The following NOL4 variants were observed in gnomAD, a reference collection of about 807,000 sequenced individuals.
NOL4 encodes the protein cancer/testis antigen 125.
NOL4 carries 17 observed loss-of-function variants against 75.9 expected under a neutral mutation model. The ratio of observed to expected loss-of-function variants is 0.22; its 90% CI spans 0.15 to 0.34. The LOEUF (loss-of-function observed/expected upper bound fraction) is 0.34. Among genes scored for constraint, NOL4 ranks in the 10% least tolerant of loss-of-function variants. The pLI is 1.00. For synonymous variants in NOL4, 292 were observed against 289.9 expected (o/e 1.01, Z -0.07); for missense variants, 614 against 793.5 (o/e 0.77, Z 2.72).
At chr18:34,058,781 A>G (rs1360643536) in intron 5 of NOL4, among the ~76,000 whole-genome samples, 1 of 152,200 alleles carries the variant, frequency 6.6e-6, no homozygotes, top group Non-Finnish European at 1.5e-5. Flanking sequence ...TATTGCAATA[A>G]TGAATGAATT....
At chr18:33,960,416 C>T (rs1460215920) in intron 6 of NOL4, among the ~76,000 whole-genome samples, 1 of 152,006 alleles carries the variant, frequency 6.6e-6, no homozygotes, top group Non-Finnish European at 1.5e-5. Flanking sequence ...AGAATAAACT[C>T]TTAATAAACA....
chr18:34,221,669 T>A (rs2037315295), intron 1 of NOL4: 1 of 178,376 alleles, frequency 5.6e-6, no homozygotes, highest in Non-Finnish European at 1.2e-5. Flanking sequence ...TACTTTTGGT[T>A]CCCAATTTCT....
intron 9 of NOL4, among the ~76,000 whole-genome samples, chr18:33,917,137 AT>A (rs1934177329): frequency 6.6e-6 from 1 of 152,182 alleles, no homozygotes; most frequent in African/African-American, 2.4e-5. Context: ...AGCCTAGATT[AT>A]GCAAATGAAC....
At chr18:34,211,111 A>AGAAG (rs34370429) in intron 1 of NOL4, among the ~76,000 whole-genome samples, 8,531 of 149,258 alleles carry the variant, frequency 0.057, 327 homozygotes, top group Admixed American at 0.13. Flanking sequence ...AAGGAAGGAA[A>AGAAG]GAAGGAAGGA....
intron 9 of NOL4, among the ~76,000 whole-genome samples, chr18:33,927,130 G>GT (rs1004464182): frequency 2.0e-5 from 3 of 152,124 alleles, no homozygotes; most frequent in African/African-American, 7.2e-5. Context: ...TGTTCTGGGA[G>GT]TTTCCTGAGT....
chr18:33,880,822 T>C (rs188737375), intron 10 of NOL4, among the ~76,000 whole-genome samples: 81 of 152,196 alleles, frequency 5.3e-4, no homozygotes, highest in Non-Finnish European at 9.6e-4. Context: ...GTTGAGTTTT[T>C]TTTTTTTAGT....
At chr18:34,092,217 C>T (rs553495362) in intron 5 of NOL4, among the ~76,000 whole-genome samples, 4 of 151,974 alleles carry the variant, frequency 2.6e-5, no homozygotes, top group South Asian at 2.1e-4. Context: ...CTGAGGAATG[C>T]CTACTCATGT....
chr18:34,011,027 A>G (rs991909304), intron 6 of NOL4, among the ~76,000 whole-genome samples: 4 of 151,844 alleles, frequency 2.6e-5, no homozygotes, highest in Non-Finnish European at 4.4e-5. Flanking sequence ...CTTATAGCAC[A>G]ACAGGGTGGC....
In NOL4 at chr18:34,211,452, T is replaced by C. The variant is rs944409505; in HGVS notation, c.264+11538A>G. Among the ~76,000 whole-genome samples, 11 of 152,314 alleles carry C rather than the reference T, an allele frequency of 7.2e-5. No homozygotes were observed. In the South Asian group the frequency reaches 2.3e-3, roughly 32 times the overall value. On this transcript the variant is annotated intron_variant, in intron 1 of 10. Coordinates refer to ENST00000261592, the MANE Select transcript of NOL4 (RefSeq NM_003787.5). ...CTAATTAGGTCAATTGGGTAGAGCA[T>C]GGCGCTAGTATGACCAGGCTAGGCC...
At chr18:34,077,271 G>T (rs1264364902) in intron 5 of NOL4, among the ~76,000 whole-genome samples, 1 of 152,088 alleles carries the variant, frequency 6.6e-6, no homozygotes, top group African/African-American at 2.4e-5. Flanking sequence ...TCATGCTACT[G>T]CACTCCAGCC....
Position 34,130,006 on chromosome 18 carries a change from T to C in NOL4, c.279A>G (p.Val93=). Residue 93 remains valine, a synonymous_variant, in exon 2 of 11, where the codon GTA becomes GTG. Coordinates refer to ENST00000261592, the MANE Select transcript of NOL4 (RefSeq NM_003787.5). ...CCCGTCGTAAAGATAGCTTCTCATC[T>C]ACCCCTACGCCATCCTGGAAACAAA... is the stretch of plus-strand genomic sequence containing the variant. ...VPVKTTDGVG[V]DEKLSLRRVA... The C allele has an allele frequency of 6.3e-7, 1 of 1,591,376 alleles. No individual in the cohort carries two copies. The highest frequency in any genetic ancestry group is 2.3e-5 in the East Asian group (1 of 43,850).
chr18:34,053,581 C>T (rs1436960140), intron 5 of NOL4, among the ~76,000 whole-genome samples: 2 of 151,954 alleles, frequency 1.3e-5, no homozygotes, highest in African/African-American at 4.8e-5. Context: ...AGCCAGATAA[C>T]ATTCCTAAGA....
rs376912064 is a variant in NOL4, at chr18:34,082,905, G to T, written c.772+10560C>A. Among the ~76,000 whole-genome samples, 10 of 152,270 alleles carry T rather than the reference G, an allele frequency of 6.6e-5. No individual in the cohort carries two copies. In the East Asian group the frequency reaches 1.9e-3, roughly 29 times the overall value. On this transcript the variant is annotated intron_variant, in intron 5 of 10. Transcript: ENST00000261592. The stretch of plus-strand genomic sequence containing the variant: ...AGAGATGGGCTGACTGATGATATGT[G>T]ACTGCCAGAAACCCTCAAAATTTCT...
chr18:33,966,609 A>C (rs1035416550), intron 6 of NOL4, among the ~76,000 whole-genome samples: 10 of 152,208 alleles, frequency 6.6e-5, no homozygotes, highest in African/African-American at 2.4e-4. Flanking sequence ...TAGGATACAA[A>C]ATCAACATAT....
rs562874522 is a variant in NOL4, at chr18:33,923,202, T to G, written c.1542+19863A>C. ...ATACCAATTTTTTGTCTTCCTTTCTTGATGTCTATTTCATAATGTCATAAG... is the reference window on the plus strand; with the variant it reads ...ATACCAATTTTTTGTCTTCCTTTCTGGATGTCTATTTCATAATGTCATAAG... On this transcript the variant is annotated intron_variant, in intron 9 of 10. Coordinates refer to ENST00000261592, the MANE Select transcript of NOL4 (RefSeq NM_003787.5). 2.6e-5 allele frequency among the ~76,000 whole-genome samples: 4 copies of G among 152,230 alleles called. No individual in the cohort carries two copies. In the East Asian group the frequency reaches 7.7e-4, roughly 29 times the overall value.
chr18:34,147,653 T>C (rs1208596408), intron 1 of NOL4, among the ~76,000 whole-genome samples: 1 of 152,176 alleles, frequency 6.6e-6, no homozygotes, highest in Non-Finnish European at 1.5e-5. Context: ...TCAATGTTTA[T>C]AATGGATATT....
At position 34,038,793 on chromosome 18, in the gene NOL4, G is replaced by C. The variant is rs149588220; in HGVS notation, c.773-19192C>G. On this transcript the variant is annotated intron_variant, in intron 5 of 10. Coordinates refer to ENST00000261592, the MANE Select transcript of NOL4 (RefSeq NM_003787.5). ...GTGGATGAGTGGGTATAAACTTACA[G>C]TTTAGATAGAAAAACAAGTTCTAAT... 2.4e-3 allele frequency among the ~76,000 whole-genome samples: 371 copies of C among 152,028 alleles called. 4 individuals carry two copies. Among genetic ancestry groups the C allele is most frequent in the African/African-American group, 7.6e-3 (316 of 41,532 alleles).
chr18:34,221,981 A>T, intron 1 of NOL4: 3 of 1,495,042 alleles, frequency 2.0e-6, no homozygotes, highest in Non-Finnish European at 2.7e-6. Context: ...AAAGGATGCC[A>T]GATAGCCTCC....
chr18:33,887,153 T>C (rs1407825242), intron 9 of NOL4, among the ~76,000 whole-genome samples: 3 of 145,136 alleles, frequency 2.1e-5, no homozygotes, highest in African/African-American at 7.5e-5. Flanking sequence ...TATCTAGATA[T>C]ATGTGTATAT....
Sources: gnomAD v4.1 joint callset for allele counts (sites outside exome capture counted in the v4.1 genomes callset) on GRCh38, gnomAD v4.1.1 for gene constraint, MANE v1.5 for transcripts, NCBI Gene and HGNC (gene_info 2026-07-23, HGNC 2026-07-21) for gene names.